The following RPS6KA1 variants were observed in gnomAD, a reference collection of about 807,000 sequenced individuals.
RPS6KA1 encodes ribosomal protein S6 kinase A1.
Under a neutral mutation model 91.3 loss-of-function variants are expected in RPS6KA1, and 48 were observed. The ratio of observed to expected loss-of-function variants is 0.53; its 90% CI spans 0.42 to 0.67. RPS6KA1 has a LOEUF of 0.67. Ranked by LOEUF, RPS6KA1 falls within the 30% of genes least tolerant of loss-of-function variation. The probability of loss-of-function intolerance (pLI) is 0.00; values close to 1 mark genes in which losing one functional copy is unlikely to be tolerated. For missense variants in RPS6KA1, 719 were observed against 960.5 expected, an observed-to-expected ratio of 0.75 and a Z score of 3.32; for synonymous variants, 359 against 384.7, an observed-to-expected ratio of 0.93 and a Z score of 0.78.
Position 26,546,969 on chromosome 1 carries a change from G to A in RPS6KA1, c.211G>A (p.Gly71Arg). The A allele has an allele frequency of 6.2e-7, 1 of 1,613,834 alleles. No homozygotes were observed. The highest frequency in any genetic ancestry group is 8.5e-7 in the Non-Finnish European group (1 of 1,179,788). ...HFELLKVLGQGSFGKVFLVRK... is the reference protein window; with the variant it reads ...HFELLKVLGQRSFGKVFLVRK... ...CGAGCTCCTCAAGGTTCTGGGCCAG[G>A]GATCCTTTGGCAAAGTGAGTCATGA... Residue 71 changes from glycine (G) to arginine (R), a missense_variant, in exon 3 of 22, where the codon GGA becomes AGA. Physicochemically the swap from Gly to Arg is moderately radical, Grantham distance 125. Coordinates refer to ENST00000374168, the MANE Select transcript of RPS6KA1 (RefSeq NM_002953.4).
At chr1:26,566,521 A>T (rs952998768) in intron 17 of RPS6KA1, among the ~76,000 whole-genome samples, 1 of 152,052 alleles carries the variant, frequency 6.6e-6, no homozygotes, top group African/African-American at 2.4e-5. Flanking sequence ...TCCTGACCCC[A>T]GGTGATCCGC....
In RPS6KA1 at chr1:26,536,916, C is replaced by T; in HGVS notation, c.64-9C>T. 6.2e-7 allele frequency: 1 copy of T among 1,614,086 alleles called. No individual in the cohort carries two copies. The highest frequency in any genetic ancestry group is 1.1e-5 in the South Asian group (1 of 91,078). On this transcript the variant is annotated splice_polypyrimidine_tract_variant and intron_variant, in intron 1 of 21. Transcript: ENST00000374168. ...ACAGTGCTCCCCCAATCTCCTTTCT[C>T]TTTTCCAGAATGGACAGACCTCAGG...
In RPS6KA1 at chr1:26,572,288, G is replaced by A; in HGVS notation, c.1942G>A (p.Ala648Thr). The A allele has an allele frequency of 6.2e-7, 1 of 1,608,980 alleles. No homozygotes were observed. Among genetic ancestry groups the A allele is most frequent in the Non-Finnish European group, 8.5e-7 (1 of 1,175,342 alleles). The change falls in exon 20 of 22, where the codon GCC becomes ACC. Residue 648 changes from alanine to threonine, a missense_variant. Physicochemically the swap from Ala to Thr is moderately conservative, Grantham distance 58. This residue lies in a region of RPS6KA1 where 249 missense variants were observed against 323.1 expected (regional missense o/e 0.77). Transcript: ENST00000374168. The stretch of plus-strand genomic sequence containing the variant: ...AAATTGGAACACAGTTTCAGAGACA[G>A]CCAAGGTGAGTCTGTACGGCCTGCG... ...GGNWNTVSET[A>T]KDLVSKMLHV...
chr1:26,541,321 G>A (rs1430397551), intron 2 of RPS6KA1, among the ~76,000 whole-genome samples: 3 of 150,580 alleles, frequency 2.0e-5, no homozygotes, highest in Admixed American at 6.6e-5. Flanking sequence ...TTGGGAGGCC[G>A]AGGCGGGCAG....
Position 26,551,802 on chromosome 1 carries a change from A to C in RPS6KA1, c.468+79A>C, listed in dbSNP as rs113371266. On this transcript the variant is annotated intron_variant, in intron 6 of 21. Coordinates refer to ENST00000374168, the MANE Select transcript of RPS6KA1 (RefSeq NM_002953.4). This position sits in a 1 kb window ranked among gnomAD's most constrained non-coding sequence, Gnocchi z 4.5. Reference sequence around the variant, plus strand: ...GTCCTCCCATCCCAGGGCCCTGTACAGAATGTGTTTGGTATGGCTTGAACC... The same window carrying C: ...GTCCTCCCATCCCAGGGCCCTGTACCGAATGTGTTTGGTATGGCTTGAACC... 1.5e-6 allele frequency: 2 copies of C among 1,304,234 alleles called. No individual in the cohort carries two copies. Among genetic ancestry groups the C allele is most frequent in the Non-Finnish European group, 2.2e-6 (2 of 902,450 alleles). The allele number at this position is 1,304,234 out of a possible 1,614,324, so 80.8% of individuals were successfully genotyped here.
intron 2 of RPS6KA1, among the ~76,000 whole-genome samples, chr1:26,546,322 A>G (rs1188928478): frequency 6.6e-6 from 1 of 152,156 alleles, no homozygotes; most frequent in Non-Finnish European, 1.5e-5. Context: ...TGAGCCATGC[A>G]GTCTTTGGCC....
At chr1:26,543,703 T>A (rs1399027015) in intron 2 of RPS6KA1, among the ~76,000 whole-genome samples, 1 of 152,180 alleles carries the variant, frequency 6.6e-6, no homozygotes, top group Non-Finnish European at 1.5e-5. Flanking sequence ...CTGATTGACC[T>A]GCCCACACTT....
chr1:26,550,390 G>A (rs2076039261), intron 4 of RPS6KA1, among the ~76,000 whole-genome samples: 1 of 151,220 alleles, frequency 6.6e-6, no homozygotes, highest in Admixed American at 6.6e-5. Context: ...CACCATGTTG[G>A]CCAGGATGGT....
intron 2 of RPS6KA1, among the ~76,000 whole-genome samples, chr1:26,538,479 A>G (rs1272769857): frequency 6.6e-6 from 1 of 152,198 alleles, no homozygotes; most frequent in African/African-American, 2.4e-5. Context: ...CTCTTGCTCT[A>G]GAGCAGAAGA....
rs767456589 is a variant in RPS6KA1, at chr1:26,574,103, G to A, written c.2110G>A (p.Ala704Thr). 1.6e-5 allele frequency: 26 copies of A among 1,613,898 alleles called. No individual in the cohort carries two copies. Among genetic ancestry groups the A allele is most frequent in the East Asian group, 2.2e-5 (1 of 44,880 alleles). Residue 704 changes from alanine to threonine, a missense_variant, in exon 22 of 22, where the codon GCA (alanine) becomes ACA (threonine). Transcript: ENST00000374168. This position sits in a 1 kb window ranked among gnomAD's most constrained non-coding sequence, Gnocchi z 4.3. ...VKGAMAATYSALNSSKPTPQL... is the reference protein window; with the variant it reads ...VKGAMAATYSTLNSSKPTPQL... Reference sequence around the variant, plus strand: ...GGGAGCCATGGCTGCCACGTACTCCGCACTCAACAGCTCCAAGCCCACCCC... The same window carrying A: ...GGGAGCCATGGCTGCCACGTACTCCACACTCAACAGCTCCAAGCCCACCCC...
At chr1:26,550,179 A>G (rs2076036721) in intron 4 of RPS6KA1, among the ~76,000 whole-genome samples, 1 of 111,992 alleles carries the variant, frequency 8.9e-6, no homozygotes, top group African/African-American at 3.3e-5. Flanking sequence ...ACGCCTGGCC[A>G]ATTTTTTTTT....
At position 26,555,580 on chromosome 1, in the gene RPS6KA1, A is replaced by G. The variant is rs1476392435; in HGVS notation, c.871A>G (p.Ser291Gly). The change falls in exon 11 of 22, where the codon AGC becomes GGC. Residue 291 changes from serine to glycine, a missense_variant. Transcript: ENST00000374168. The surrounding 1 kb of genome is among the most constrained non-coding windows in gnomAD (Gnocchi z 4.3). ...MPQFLSTEAQ[S>G]LLRALFKRNP... ...CCAGTTTCTGAGCACTGAAGCCCAGAGCCTCTTGCGGGCCCTGTTCAAGCG... is the reference window on the plus strand; with the variant it reads ...CCAGTTTCTGAGCACTGAAGCCCAGGGCCTCTTGCGGGCCCTGTTCAAGCG... The G allele has an allele frequency of 1.2e-6, 2 of 1,601,686 alleles. No individual in the cohort carries two copies. Among genetic ancestry groups the G allele is most frequent in the Non-Finnish European group, 1.7e-6 (2 of 1,173,638 alleles).
At chr1:26,548,944 AAGGTGT>A (rs1366341043) in intron 4 of RPS6KA1, among the ~76,000 whole-genome samples, 1 of 151,760 alleles carries the variant, frequency 6.6e-6, no homozygotes, top group Non-Finnish European at 1.5e-5. Context: ...GCTGACATAG[AAGGTGT>A]GTTGGAAGGC....
intron 4 of RPS6KA1, among the ~76,000 whole-genome samples, chr1:26,548,585 G>A (rs1256206616): frequency 1.3e-5 from 2 of 152,074 alleles, no homozygotes; most frequent in Non-Finnish European, 2.9e-5. Context: ...ATCACTTGAG[G>A]TCAAGAGTTC....
chr1:26,557,176 C>A, intron 13 of RPS6KA1, 76 bp downstream of exon 13: 2 of 1,152,784 alleles, frequency 1.7e-6, no homozygotes, highest in Non-Finnish European at 1.3e-6. Context: ...GCTTGGGGGG[C>A]AGAGATAGTC....
Position 26,555,432 on chromosome 1 carries a change from A to G in RPS6KA1, c.828-105A>G. On this transcript the variant is annotated intron_variant, in intron 10 of 21. Coordinates refer to ENST00000374168, the MANE Select transcript of RPS6KA1 (RefSeq NM_002953.4). This position sits in a 1 kb window ranked among gnomAD's most constrained non-coding sequence, Gnocchi z 4.3. The stretch of plus-strand genomic sequence containing the variant: ...AAGCCTTTGGGAAGTGAATTAGTGG[A>G]TGGCTTGTCTAGACTGAGCTGGGAA... The G allele has an allele frequency of 8.3e-7, 1 of 1,205,186 alleles. No homozygotes were observed. The highest frequency in any genetic ancestry group is 1.2e-6 in the Non-Finnish European group (1 of 840,404). 74.7% of individuals were successfully genotyped at this position (1,205,186 alleles called of 1,614,324 possible).
rs1340418455 is a variant in RPS6KA1, at chr1:26,572,284, G to C, written c.1938G>C (p.Glu646Asp). The change falls in exon 20 of 22, where the codon GAG becomes GAC. Residue 646 changes from glutamate (E) to aspartate (D), a missense_variant. Glu to Asp is a conservative substitution (Grantham distance 45). Around this residue, in one of 5 missense-constraint regions of RPS6KA1, gnomAD observed 249 missense variants for 323.1 expected, o/e 0.77. Transcript: ENST00000374168. ...LSGGNWNTVS[E>D]TAKDLVSKML... ...GGGGAAATTGGAACACAGTTTCAGA[G>C]ACAGCCAAGGTGAGTCTGTACGGCC... The C allele has an allele frequency of 1.9e-6, 3 of 1,611,256 alleles. No homozygotes were observed. Among genetic ancestry groups the C allele is most frequent in the Non-Finnish European group, 1.7e-6 (2 of 1,177,444 alleles).
At position 26,555,086 on chromosome 1, in the gene RPS6KA1, G is replaced by A; in HGVS notation, c.757-65G>A. The A allele has an allele frequency of 4.0e-6, 6 of 1,496,426 alleles. No individual in the cohort carries two copies. The highest frequency in any genetic ancestry group is 4.6e-6 in the Non-Finnish European group (5 of 1,075,680). The allele number at this position is 1,496,426 out of a possible 1,614,324, so 92.7% of individuals were successfully genotyped here. A position where few individuals can be genotyped will look rare whatever the true frequency, so the allele number is the denominator to read the frequency against. On this transcript the variant is annotated intron_variant, in intron 9 of 21. Transcript: ENST00000374168. This position sits in a 1 kb window ranked among gnomAD's most constrained non-coding sequence, Gnocchi z 4.3. ...GGGACTGGGGCAGAGGGGTCTGACT[G>A]GGAGGAGGCGGGAGGTGTGTCGGAG... is the stretch of plus-strand genomic sequence containing the variant.
At chr1:26,546,261 G>A (rs1369755570) in intron 2 of RPS6KA1, among the ~76,000 whole-genome samples, 2 of 152,212 alleles carry the variant, frequency 1.3e-5, no homozygotes, top group African/African-American at 4.8e-5. Context: ...GGAAAGGCTA[G>A]GACCTGGCAA....
Sources: allele counts gnomAD v4.1 joint callset (sites outside exome capture counted in the v4.1 genomes callset), GRCh38; gene constraint gnomAD v4.1.1; regional missense constraint gnomAD v4.1.1; non-coding constraint Gnocchi (gnomAD v3.1); transcripts MANE v1.5; gene names NCBI Gene and HGNC (gene_info 2026-07-23, HGNC 2026-07-21).